COX7B2: variants seen among roughly 807,000 people sequenced by gnomAD.
The protein encoded by COX7B2 is cytochrome c oxidase subunit 7B2.
For synonymous variants in COX7B2, 37 were observed against 32.1 expected (o/e 1.15, Z -0.51); for missense variants, 109 against 95.9 (o/e 1.14, Z -0.57).
chr4:46,767,292 GTCAAT>G (rs1560366566), intron 2 of COX7B2, among the ~76,000 whole-genome samples: 1 of 152,122 alleles, frequency 6.6e-6, no homozygotes, highest in East Asian at 1.9e-4. Flanking sequence ...TGAAAAAGTG[GTCAAT>G]TCATCAGGAG....
intron 1 of COX7B2, among the ~76,000 whole-genome samples, chr4:46,871,362 G>A (rs772711635): frequency 7.9e-5 from 12 of 152,082 alleles, no homozygotes; most frequent in East Asian, 3.9e-4. Context: ...TAAATTAAAC[G>A]TAAAACCCAA....
At chr4:46,849,208 C>T (rs760376699) in intron 1 of COX7B2, among the ~76,000 whole-genome samples, 5 of 151,982 alleles carry the variant, frequency 3.3e-5, no homozygotes, top group African/African-American at 9.7e-5. Flanking sequence ...CTGCCCCTTG[C>T]GCCATCAGTT....
chr4:46,837,954 A>T (rs1715650043), intron 2 of COX7B2, among the ~76,000 whole-genome samples: 1 of 152,080 alleles, frequency 6.6e-6, no homozygotes, highest in Non-Finnish European at 1.5e-5. Flanking sequence ...AACCGAAATT[A>T]TTGTAAACAT....
chr4:46,885,577 A>T (rs1462684435), intron 1 of COX7B2, among the ~76,000 whole-genome samples: 1 of 152,130 alleles, frequency 6.6e-6, no homozygotes, highest in Non-Finnish European at 1.5e-5. Flanking sequence ...GCAGGATATT[A>T]TACCTCCATG....
intron 1 of COX7B2, among the ~76,000 whole-genome samples, chr4:46,879,289 T>C (rs1718553622): frequency 6.6e-6 from 1 of 152,060 alleles, no homozygotes; most frequent in Non-Finnish European, 1.5e-5. Context: ...AACCAGTAAG[T>C]CCTACTTATA....
Position 46,837,948 on chromosome 4 carries a change from G to A in COX7B2, c.-50+7012C>T, listed in dbSNP as rs568554587. Among the ~76,000 whole-genome samples, 11 of 151,972 alleles carry A rather than the reference G, an allele frequency of 7.2e-5. No individual in the cohort carries two copies. In the South Asian group the frequency reaches 1.7e-3, roughly 23 times the overall value. On this transcript the variant is annotated intron_variant, in intron 2 of 2. Transcript: ENST00000355591. ...TCTAAAAACTAAGGTCGAAATAACCGAAATTATTGTAAACATTGAAGACAT... is the reference window on the plus strand; with the variant it reads ...TCTAAAAACTAAGGTCGAAATAACCAAAATTATTGTAAACATTGAAGACAT...
chr4:46,885,153 G>C (rs1409464738), intron 1 of COX7B2, among the ~76,000 whole-genome samples: 2 of 151,796 alleles, frequency 1.3e-5, no homozygotes, highest in African/African-American at 4.8e-5. Flanking sequence ...TCCAAGTCTT[G>C]TTTTGACTTG....
At chr4:46,906,100 G>A (rs916814638) in intron 1 of COX7B2, among the ~76,000 whole-genome samples, 2 of 151,682 alleles carry the variant, frequency 1.3e-5, no homozygotes, top group Non-Finnish European at 2.9e-5. Context: ...AAGTGCTGGG[G>A]TTACAGGCGT....
At chr4:46,738,409 T>C (rs1714498477) in intron 2 of COX7B2, among the ~76,000 whole-genome samples, 1 of 152,098 alleles carries the variant, frequency 6.6e-6, no homozygotes, top group Admixed American at 6.6e-5. Context: ...AATTCTCCTT[T>C]AGGAAATCCT....
rs530492236 is a variant in COX7B2, at chr4:46,744,736, T to A, written c.-49-9495A>T. Among the ~76,000 whole-genome samples the A allele has an allele frequency of 1.9e-4, 28 of 148,942 alleles. No homozygotes were observed. In the Admixed American group the frequency reaches 1.9e-3, roughly 10 times the overall value. On this transcript the variant is annotated intron_variant, in intron 2 of 2. Coordinates refer to ENST00000355591, the MANE Select transcript of COX7B2 (RefSeq NM_130902.3). ...TAACTTTTAGATATCAAAGATATTT[T>A]AATTTTTTTTTTTTTTTTTTTTGGG...
chr4:46,895,605 T>C (rs1719712034), intron 1 of COX7B2, among the ~76,000 whole-genome samples: 1 of 152,204 alleles, frequency 6.6e-6, no homozygotes, highest in African/African-American at 2.4e-5. Context: ...CTAGTTTACC[T>C]ATATAATAAA....
At chr4:46,861,752 T>C (rs959511467) in intron 1 of COX7B2, among the ~76,000 whole-genome samples, 5 of 152,224 alleles carry the variant, frequency 3.3e-5, no homozygotes, top group African/African-American at 1.2e-4. Context: ...TTCTGGCTCA[T>C]GTTACTTCCA....
At chr4:46,880,554 T>C (rs946230050) in intron 1 of COX7B2, among the ~76,000 whole-genome samples, 7 of 151,828 alleles carry the variant, frequency 4.6e-5, no homozygotes, top group Admixed American at 2.0e-4. Flanking sequence ...TATCCATCTC[T>C]TCTAGGTTTT....
chr4:46,907,847 A>ATTTTTTTTTTTTTTTTTTTTTT (rs1308450950), intron 1 of COX7B2, among the ~76,000 whole-genome samples: 1 of 67,234 alleles, frequency 1.5e-5, no homozygotes, highest in Non-Finnish European at 3.2e-5. Flanking sequence ...ATTTGAGCAG[A>ATTTTTTTTTTTTTTTTTTTTTT]CTTTTTTTTT....
At chr4:46,869,340 C>A (rs1462051104) in intron 1 of COX7B2, among the ~76,000 whole-genome samples, 1 of 152,044 alleles carries the variant, frequency 6.6e-6, no homozygotes, top group East Asian at 1.9e-4. Flanking sequence ...CACTCTGTGT[C>A]TTTTAAGTGG....
intron 2 of COX7B2, among the ~76,000 whole-genome samples, chr4:46,824,026 T>C (rs1356274339): frequency 6.6e-6 from 1 of 151,914 alleles, no homozygotes; most frequent in African/African-American, 2.4e-5. Context: ...TCCTTAAAAA[T>C]ACACAAACTA....
chr4:46,868,116 A>G (rs1717780457), intron 1 of COX7B2, among the ~76,000 whole-genome samples: 1 of 152,046 alleles, frequency 6.6e-6, no homozygotes, highest in Admixed American at 6.6e-5. Flanking sequence ...GAGGGTGTAT[A>G]TATCCTATAA....
chr4:46,898,969 A>G (rs1719926268), intron 1 of COX7B2, among the ~76,000 whole-genome samples: 1 of 152,220 alleles, frequency 6.6e-6, no homozygotes. Context: ...GGGACTGTTC[A>G]TCACCTCTTA....
At chr4:46,790,004 TA>T (rs879403988) in intron 2 of COX7B2, among the ~76,000 whole-genome samples, 7,220 of 145,792 alleles carry the variant, frequency 0.05, 267 homozygotes, top group African/African-American at 0.1. Context: ...GTAGGTTTGT[TA>T]AAAAAAAAAA....
Sources: gnomAD v4.1 joint callset for allele counts (sites outside exome capture counted in the v4.1 genomes callset) on GRCh38, gnomAD v4.1.1 for gene constraint, MANE v1.5 for transcripts, NCBI Gene and HGNC (gene_info 2026-07-23, HGNC 2026-07-21) for gene names.